Variants in PROM1 observed in about 807,000 individuals in gnomAD.
PROM1 encodes the protein prominin 1, also known as prominin-1.
A neutral mutation model predicts 116.9 loss-of-function variants in PROM1; 105 were observed. The observed-to-expected ratio is 0.90, with a 90% CI of 0.77 to 1.06. The LOEUF is 1.06. Ranked by LOEUF, PROM1 falls within the 50% of genes least tolerant of loss-of-function variation. PROM1 has a pLI of 0.00. For missense variants in PROM1, 1,122 were observed against 1,045.2 expected (o/e 1.07, Z -1.01); for synonymous variants, 393 against 387.0 (o/e 1.02, Z -0.18).
At chr4:15,979,305 A>C (rs1717108019) in intron 26 of PROM1, 90 bp downstream of exon 26, 13 of 1,591,742 alleles carry the variant, frequency 8.2e-6, no homozygotes, top group Non-Finnish European at 1.1e-5. Context: ...AAGTGAAGGC[A>C]TCAGCAGCAT....
chr4:16,025,892 A>AAT (rs1731149086), intron 5 of PROM1, among the ~76,000 whole-genome samples: 1 of 152,256 alleles, frequency 6.6e-6, no homozygotes, highest in Non-Finnish European at 1.5e-5. Flanking sequence ...TTAGCATTAA[A>AAT]ATGGTATGTG....
Position 16,048,790 on chromosome 4 carries a change from C to T in PROM1, c.221-9789G>A, listed in dbSNP as rs555741169. On this transcript the variant is annotated intron_variant, in intron 2 of 27. Transcript: ENST00000447510. ...TTCCTGTGAAAACATCTGGACCAGTCTGGCCTGTGTAGCTTCCTGGCAGCC... is the reference window on the plus strand; with the variant it reads ...TTCCTGTGAAAACATCTGGACCAGTTTGGCCTGTGTAGCTTCCTGGCAGCC... 5.3e-5 allele frequency among the ~76,000 whole-genome samples: 8 copies of T among 152,292 alleles called. No individual in the cohort carries two copies. In the South Asian group the frequency reaches 1.7e-3, roughly 32 times the overall value.
intron 20 of PROM1, 54 bp from the exon 21 acceptor site, chr4:15,986,091 A>T: frequency 7.7e-7 from 1 of 1,293,468 alleles, no homozygotes; most frequent in Non-Finnish European, 1.1e-6. Flanking sequence ...AGTTTTAATT[A>T]GACAATTTGC....
intron 2 of PROM1, among the ~76,000 whole-genome samples, chr4:16,042,787 T>C (rs1342702522): frequency 6.6e-6 from 1 of 152,150 alleles, no homozygotes; most frequent in Non-Finnish European, 1.5e-5. Flanking sequence ...AAAGTACTGC[T>C]CTCTTTTACA....
chr4:16,018,165 A>G, intron 9 of PROM1, 158 bp downstream of exon 9: 1 of 660,838 alleles, frequency 1.5e-6, no homozygotes, highest in Non-Finnish European at 2.6e-6. Context: ...TGGTCATTCC[A>G]ATATGGTGAT....
intron 15 of PROM1, among the ~76,000 whole-genome samples, chr4:15,997,539 A>G (rs1722648851): frequency 6.6e-6 from 1 of 151,988 alleles, no homozygotes. Context: ...GGCTCACTGC[A>G]ACCTGCGCCT....
intron 2 of PROM1, among the ~76,000 whole-genome samples, chr4:16,042,625 G>C (rs1735596755): frequency 6.6e-6 from 1 of 152,150 alleles, no homozygotes; most frequent in Admixed American, 6.5e-5. Context: ...TACAGTGGAA[G>C]ACAGACCAGT....
rs561919636 is a variant in PROM1 at position 16,004,832 on chromosome 4, T to TCTTCCTTC, written c.1454+1698_1454+1705dup. Among the ~76,000 whole-genome samples the TCTTCCTTC allele has an allele frequency of 3.3e-3, 401 of 122,564 alleles. 7 individuals are homozygous for TCTTCCTTC. The highest frequency in any genetic ancestry group is 0.012 in the Middle Eastern group (3 of 258). The allele number at this position is 122,564 out of a possible 152,430, so 80.4% of individuals were successfully genotyped here. A position where few individuals can be genotyped will look rare whatever the true frequency, so the allele number is the denominator to read the frequency against. ...CTTTCTTTCTTTCTTTCTTTCTTTT[T>TCTTCCTTC]CTTCCTTCCTTCCTTCCTTCCTTCC... On this transcript the variant is annotated intron_variant, in intron 13 of 27. Coordinates refer to ENST00000447510, the MANE Select transcript of PROM1 (RefSeq NM_006017.3).
intron 23 of PROM1, among the ~76,000 whole-genome samples, chr4:15,983,254 G>A (rs375382732): frequency 7.2e-5 from 11 of 152,280 alleles, no homozygotes; most frequent in African/African-American, 1.9e-4. Context: ...ACCTGAAGGC[G>A]GAACAACAAT....
rs959199304 is a variant in PROM1 at position 16,005,371 on chromosome 4, C to T, written c.1454+1167G>A. Among the ~76,000 whole-genome samples, 14 of 152,204 alleles carry T rather than the reference C, an allele frequency of 9.2e-5. No individual in the cohort carries two copies. In the South Asian group the frequency reaches 1.2e-3, roughly 14 times the overall value. ...GGTCATTAGCTCTAAGGTGATTTTA[C>T]GACTCTAGTTTGTAAAGGCCTATAC... is the stretch of plus-strand genomic sequence containing the variant. On this transcript the variant is annotated intron_variant, in intron 13 of 27. Transcript: ENST00000447510.
chr4:15,992,148 T>G, intron 17 of PROM1, 100 bp downstream of exon 17: 1 of 1,473,094 alleles, frequency 6.8e-7, no homozygotes, highest in Middle Eastern at 1.8e-4. Flanking sequence ...TCTTACATCA[T>G]GTGAATCTCA....
intron 2 of PROM1, among the ~76,000 whole-genome samples, chr4:16,066,960 T>C (rs932229666): frequency 2.6e-5 from 4 of 152,202 alleles, no homozygotes; most frequent in Non-Finnish European, 5.9e-5. Context: ...AGGGACTTTG[T>C]AGGCTAGATA....
At chr4:15,988,157 T>G (rs1302427906) in intron 19 of PROM1, among the ~76,000 whole-genome samples, 1 of 152,168 alleles carries the variant, frequency 6.6e-6, no homozygotes, top group African/African-American at 2.4e-5. Flanking sequence ...ATTACAGGTG[T>G]GAGCCACCGC....
In PROM1 at chr4:16,018,313, G is replaced by A. The variant is rs1270571611; in HGVS notation, c.1002+10C>T. 1 of 1,611,890 alleles carries A rather than the reference G, an allele frequency of 6.2e-7. No homozygotes were observed. Among genetic ancestry groups the A allele is most frequent in the East Asian group, 2.2e-5 (1 of 44,836 alleles). On this transcript the variant is annotated intron_variant, in intron 9 of 27. Coordinates refer to ENST00000447510, the MANE Select transcript of PROM1 (RefSeq NM_006017.3). The stretch of plus-strand genomic sequence containing the variant: ...CAGCCCTTGACCATGGCAAGCTCAT[G>A]CCTGCTCACCTGCCTCAGTTCAGGG...
intron 13 of PROM1, chr4:16,003,317 T>A (rs1246375369): frequency 4.4e-6 from 2 of 456,616 alleles, no homozygotes; most frequent in Non-Finnish European, 8.8e-6. Flanking sequence ...CTCTTCATGA[T>A]GATTTCTTCA....
chr4:16,050,567 T>A (rs778216217), intron 2 of PROM1, among the ~76,000 whole-genome samples: 20 of 152,058 alleles, frequency 1.3e-4, no homozygotes, highest in Non-Finnish European at 2.4e-4. Flanking sequence ...TTGCCCGGGG[T>A]GGTCTCGAAC....
At chr4:15,994,784 C>G (rs1199955209) in intron 15 of PROM1, among the ~76,000 whole-genome samples, 3 of 152,198 alleles carry the variant, frequency 2.0e-5, no homozygotes, top group Non-Finnish European at 4.4e-5. Flanking sequence ...TCTTCCTTGC[C>G]ACAGCAGCCA....
chr4:15,973,234 G>A (rs539680103), intron 26 of PROM1, among the ~76,000 whole-genome samples: 11 of 152,256 alleles, frequency 7.2e-5, no homozygotes, highest in South Asian at 2.1e-4. Flanking sequence ...ATCACTTGAC[G>A]TCAGGAGTTC....
In PROM1 at chr4:15,980,427, G is replaced by A. The variant is rs768616945; in HGVS notation, c.2484C>T (p.Tyr828=). Residue 828 remains tyrosine, a synonymous_variant, in exon 24 of 28, where the codon TAC becomes TAT. Coordinates refer to ENST00000447510, the MANE Select transcript of PROM1 (RefSeq NM_006017.3). ...YYRRMDSEDV[Y]DDVETIPMKN... The stretch of plus-strand genomic sequence containing the variant: ...GTGGAAGCCCACATACTTACTCATC[G>A]TACACGTCCTCCGAATCCATTCGAC... 4.5e-6 allele frequency: 7 copies of A among 1,541,716 alleles called. No homozygotes were observed. Among genetic ancestry groups the A allele is most frequent in the African/African-American group, 2.8e-5 (2 of 72,404 alleles).
Sources: gnomAD v4.1 joint callset for allele counts (sites outside exome capture counted in the v4.1 genomes callset) on GRCh38, gnomAD v4.1.1 for gene constraint, MANE v1.5 for transcripts, NCBI Gene and HGNC (gene_info 2026-07-23, HGNC 2026-07-21) for gene names.